ANKS1A: variants seen among roughly 807,000 people sequenced by gnomAD.
The protein encoded by ANKS1A is ankyrin repeat and sterile alpha motif domain containing 1A, also known as ankyrin repeat and SAM domain-containing protein 1A.
ANKS1A carries 55 observed loss-of-function variants against 120.3 expected under a neutral mutation model. That is an observed-to-expected ratio of 0.46 (90% CI 0.37 to 0.57). The LOEUF is 0.57. Among genes scored for constraint, ANKS1A ranks in the 20% least tolerant of loss-of-function variants. The pLI, the probability that ANKS1A is intolerant of heterozygous loss-of-function variation, is 0.00. For missense variants in ANKS1A, 1,123 were observed against 1,480.3 expected (o/e 0.76, Z 3.96); for synonymous variants, 590 against 604.7 (o/e 0.98, Z 0.36).
chr6:34,889,392 C>A lies in ANKS1A; in HGVS notation c.-11C>A. ...CTCGGGGAGGGGGTCCAGCGGGTGG[C>A]GGCCCTGGGGATGGGGAAGGAGCAG... On this transcript the variant is annotated 5_prime_UTR_variant, in exon 1 of 24. Transcript: ENST00000360359. The surrounding 1 kb of genome is among the most constrained non-coding windows in gnomAD (Gnocchi z 5.5). 1 of 1,259,296 alleles carries A rather than the reference C, an allele frequency of 7.9e-7. No individual in the cohort carries two copies. 78.0% of individuals were successfully genotyped at this position (1,259,296 alleles called of 1,614,324 possible). A position where few individuals can be genotyped will look rare whatever the true frequency, so the allele number is the denominator to read the frequency against.
chr6:35,032,792 A>G (rs1391398661), intron 11 of ANKS1A, among the ~76,000 whole-genome samples: 1 of 152,150 alleles, frequency 6.6e-6, no homozygotes, highest in Non-Finnish European at 1.5e-5. Flanking sequence ...CACAACTGAG[A>G]GATTCTAAAG....
intron 1 of ANKS1A, among the ~76,000 whole-genome samples, chr6:34,922,360 C>G (rs1768480516): frequency 6.6e-6 from 1 of 152,078 alleles, no homozygotes; most frequent in Non-Finnish European, 1.5e-5. Flanking sequence ...CATTCTGGCA[C>G]CAGAGGTCAC....
At position 35,085,706 on chromosome 6, in the gene ANKS1A, A is replaced by G; in HGVS notation, c.3133-60A>G. On this transcript the variant is annotated intron_variant, in intron 21 of 23. Coordinates refer to ENST00000360359, the MANE Select transcript of ANKS1A (RefSeq NM_015245.3). This position sits in a 1 kb window ranked among gnomAD's most constrained non-coding sequence, Gnocchi z 4.7. ...ACACATGGTCCCTGCGAGGAAGGGC[A>G]TATCCAGTGTGAAGCGGCTCCTGAA... 1 of 1,515,308 alleles carries G rather than the reference A, an allele frequency of 6.6e-7. No individual in the cohort carries two copies. Among genetic ancestry groups the G allele is most frequent in the Non-Finnish European group, 8.9e-7 (1 of 1,128,600 alleles). The allele number at this position is 1,515,308 out of a possible 1,614,324, so 93.9% of individuals were successfully genotyped here. A position where few individuals can be genotyped will look rare whatever the true frequency, so the allele number is the denominator to read the frequency against.
intron 11 of ANKS1A, among the ~76,000 whole-genome samples, chr6:35,035,711 A>G (rs2127573362): frequency 6.6e-6 from 1 of 152,332 alleles, no homozygotes; most frequent in East Asian, 1.9e-4. Flanking sequence ...CTCACTTCTC[A>G]GTTCCACAGT....
rs932867572 is a variant in ANKS1A, at chr6:35,079,520, A to G, written c.2288A>G (p.Lys763Arg). 6.2e-7 allele frequency: 1 copy of G among 1,613,492 alleles called. No homozygotes were observed. The highest frequency in any genetic ancestry group is 8.5e-7 in the Non-Finnish European group (1 of 1,179,748). Residue 763 changes from lysine (K) to arginine (R), a missense_variant, in exon 15 of 24, where the codon AAG becomes AGG. Around this residue, in one of 3 missense-constraint regions of ANKS1A, gnomAD observed 904 missense variants for 1,130.4 expected, o/e 0.80. Transcript: ENST00000360359. Reference sequence around the variant, plus strand: ...ACCTCCCTCCTTGCCCTGTAGGTGAAGGCTCTGGGTTATGACGGGAACAGC... The same window carrying G: ...ACCTCCCTCCTTGCCCTGTAGGTGAGGGCTCTGGGTTATGACGGGAACAGC... ...LQAARSLPKV[K>R]ALGYDGNSPP... is the part of the protein sequence containing the mutation.
At chr6:34,922,284 C>G (rs911674363) in intron 1 of ANKS1A, among the ~76,000 whole-genome samples, 2 of 152,152 alleles carry the variant, frequency 1.3e-5, no homozygotes, top group Non-Finnish European at 2.9e-5. Flanking sequence ...GATGAGGAAA[C>G]TAAGGTGAGA....
chr6:34,942,826 T>TC (rs1178567138), intron 1 of ANKS1A, among the ~76,000 whole-genome samples: 4 of 151,960 alleles, frequency 2.6e-5, no homozygotes, highest in Non-Finnish European at 5.9e-5. Flanking sequence ...TCTTTTCTTT[T>TC]CCCCCTCCCC....
chr6:35,020,537 T>C (rs1774281397), intron 11 of ANKS1A, among the ~76,000 whole-genome samples: 1 of 152,188 alleles, frequency 6.6e-6, no homozygotes, highest in Non-Finnish European at 1.5e-5. Flanking sequence ...TTTACCAGTC[T>C]AATGAATCAC....
intron 3 of ANKS1A, among the ~76,000 whole-genome samples, chr6:34,975,741 GAGAC>G (rs1771538328): frequency 6.6e-6 from 1 of 150,962 alleles, no homozygotes; most frequent in African/African-American, 2.4e-5. Flanking sequence ...GCAACAGAGT[GAGAC>G]CCTGTCTCAA....
chr6:34,952,867 AC>A (rs775132626), intron 1 of ANKS1A, among the ~76,000 whole-genome samples: 3 of 151,774 alleles, frequency 2.0e-5, no homozygotes, highest in Non-Finnish European at 4.4e-5. Flanking sequence ...GTACCACCAC[AC>A]CCAGCTAACT....
chr6:34,982,968 C>T lies in ANKS1A; in HGVS notation c.808+141C>T. Reference sequence around the variant, plus strand: ...CACTGGTTGATTACAAGTGTGTAAACTGTTCTTGAATAGCTGGATTAAATG... The same window carrying T: ...CACTGGTTGATTACAAGTGTGTAAATTGTTCTTGAATAGCTGGATTAAATG... On this transcript the variant is annotated intron_variant, in intron 5 of 23. Coordinates refer to ENST00000360359, the MANE Select transcript of ANKS1A (RefSeq NM_015245.3). This position sits in a 1 kb window ranked among gnomAD's most constrained non-coding sequence, Gnocchi z 4.9. 1.6e-6 allele frequency: 2 copies of T among 1,266,610 alleles called. No homozygotes were observed. Among genetic ancestry groups the T allele is most frequent in the African/African-American group, 2.9e-5 (2 of 68,042 alleles). 78.5% of individuals were successfully genotyped at this position (1,266,610 alleles called of 1,614,324 possible). A position where few individuals can be genotyped will look rare whatever the true frequency, so the allele number is the denominator to read the frequency against.
At chr6:34,936,073 A>AG (rs1421844097) in intron 1 of ANKS1A, among the ~76,000 whole-genome samples, 1 of 151,536 alleles carries the variant, frequency 6.6e-6, no homozygotes, top group Non-Finnish European at 1.5e-5. Flanking sequence ...AAAAAAAAAA[A>AG]AAAAAAAAAA....
intron 3 of ANKS1A, among the ~76,000 whole-genome samples, chr6:34,975,923 A>G (rs1771550319): frequency 6.6e-6 from 1 of 151,998 alleles, no homozygotes; most frequent in Non-Finnish European, 1.5e-5. Context: ...GGATTACTTG[A>G]GGTCAGGAGT....
intron 1 of ANKS1A, among the ~76,000 whole-genome samples, chr6:34,910,479 T>C (rs1371363801): frequency 1.3e-5 from 2 of 152,178 alleles, no homozygotes; most frequent in Non-Finnish European, 2.9e-5. Context: ...GAGGATCACT[T>C]GAGCCTCGGA....
chr6:34,976,259 A>C (rs1298221092), intron 3 of ANKS1A, among the ~76,000 whole-genome samples: 3 of 152,030 alleles, frequency 2.0e-5, no homozygotes, highest in Non-Finnish European at 4.4e-5. Flanking sequence ...TTTGAGTGCT[A>C]AGTTCTATCA....
intron 10 of ANKS1A, among the ~76,000 whole-genome samples, chr6:34,998,762 T>C (rs1772988816): frequency 6.6e-6 from 1 of 152,154 alleles, no homozygotes; most frequent in African/African-American, 2.4e-5. Context: ...CTGCTGATGC[T>C]CCCAGCTGAT....
intron 11 of ANKS1A, among the ~76,000 whole-genome samples, chr6:35,046,449 A>G (rs1280189663): frequency 1.3e-5 from 2 of 152,228 alleles, no homozygotes; most frequent in African/African-American, 2.4e-5. Flanking sequence ...ACAATTTATT[A>G]TCCTCTAAAA....
Position 35,078,944 on chromosome 6 carries a change from C to T in ANKS1A, c.2283+288C>T, listed in dbSNP as rs569837631. Among the ~76,000 whole-genome samples, 76 of 152,304 alleles carry T rather than the reference C, an allele frequency of 5.0e-4. 1 individual carries two copies. In the East Asian group the frequency reaches 0.014, roughly 27 times the overall value. On this transcript the variant is annotated intron_variant, in intron 14 of 23. Coordinates refer to ENST00000360359, the MANE Select transcript of ANKS1A (RefSeq NM_015245.3). ...CTGCCTGGCCCAGGAGCCTGGTACC[C>T]GCTGGCTTGGCCTTTCACCCAGAGC...
At chr6:34,895,780 C>CT (rs995285475) in intron 1 of ANKS1A, among the ~76,000 whole-genome samples, 7,392 of 89,856 alleles carry the variant, frequency 0.082, 1,214 homozygotes, top group African/African-American at 0.23. Context: ...GAATGTCTTT[C>CT]TTTTTTTTTT....
Sources: allele counts gnomAD v4.1 joint callset (sites outside exome capture counted in the v4.1 genomes callset), GRCh38; gene constraint gnomAD v4.1.1; regional missense constraint gnomAD v4.1.1; non-coding constraint Gnocchi (gnomAD v3.1); transcripts MANE v1.5; gene names NCBI Gene and HGNC (gene_info 2026-07-23, HGNC 2026-07-21).